COG3: variants seen among roughly 807,000 people sequenced by gnomAD.
COG3 encodes the protein conserved oligomeric Golgi complex subunit 3.
Under a neutral mutation model 114.1 loss-of-function variants are expected in COG3, and 32 were observed. The ratio of observed to expected loss-of-function variants is 0.28; its 90% CI spans 0.21 to 0.38. COG3 has a LOEUF of 0.38. Among genes scored for constraint, COG3 ranks in the 10% least tolerant of loss-of-function variants. The pLI is 1.00. For synonymous variants in COG3, 352 were observed against 365.7 expected, an observed-to-expected ratio of 0.96 and a Z score of 0.43; for missense variants, 813 against 973.2, an observed-to-expected ratio of 0.84 and a Z score of 2.19.
At chr13:45,485,101 C>T (rs1886508793) in intron 7 of COG3, among the ~76,000 whole-genome samples, 1 of 147,740 alleles carries the variant, frequency 6.8e-6, no homozygotes, top group South Asian at 2.3e-4. Flanking sequence ...GGCCCGTTCT[C>T]AATGAGCTAC....
intron 19 of COG3, among the ~76,000 whole-genome samples, chr13:45,522,753 T>A (rs531721624): frequency 6.6e-6 from 1 of 152,338 alleles, no homozygotes; most frequent in South Asian, 2.1e-4. Context: ...GAGTAGAGGC[T>A]CATATGAAAA....
Position 45,535,960 on chromosome 13 carries a change from T to C in COG3, c.*1229T>C. 1.3e-6 allele frequency: 1 copy of C among 785,182 alleles called. No individual in the cohort carries two copies. Among genetic ancestry groups the C allele is most frequent in the African/African-American group, 1.9e-5 (1 of 53,506 alleles). The allele number at this position is 785,182 out of a possible 1,614,324, so 48.6% of individuals were successfully genotyped here. On this transcript the variant is annotated 3_prime_UTR_variant, in exon 23 of 23. Coordinates refer to ENST00000349995, the MANE Select transcript of COG3 (RefSeq NM_031431.4). ...TCTGGAATGGGACCAGGGGACCTTTTGGTGCAGTGGGTGCCTGTAACTCAT... is the reference window on the plus strand; with the variant it reads ...TCTGGAATGGGACCAGGGGACCTTTCGGTGCAGTGGGTGCCTGTAACTCAT...
chr13:45,480,539 G>T (rs558248416), intron 4 of COG3, among the ~76,000 whole-genome samples: 7 of 151,826 alleles, frequency 4.6e-5, no homozygotes, highest in African/African-American at 1.7e-4. Flanking sequence ...TGGCTATGTT[G>T]GTTTGCTCTG....
chr13:45,476,436 A>G, intron 2 of COG3, 89 bp downstream of exon 2: 1 of 1,264,812 alleles, frequency 7.9e-7, no homozygotes, highest in Admixed American at 2.0e-5. Flanking sequence ...AGTTCTGAAC[A>G]TTTGTCACCA....
In COG3 at chr13:45,480,259, A is replaced by T; in HGVS notation, c.518A>T (p.His173Leu). 6.2e-7 allele frequency: 1 copy of T among 1,613,652 alleles called. No individual in the cohort carries two copies. Among genetic ancestry groups the T allele is most frequent in the Non-Finnish European group, 8.5e-7 (1 of 1,179,688 alleles). Reference sequence around the variant, plus strand: ...GTGTCCAATAAGACAGGAACCCTACATGAAGCCTGTGAACAGCTCCTAAAA... The same window carrying T: ...GTGTCCAATAAGACAGGAACCCTACTTGAAGCCTGTGAACAGCTCCTAAAA... ...LFVSNKTGTL[H>L]EACEQLLKEQ... The change falls in exon 4 of 23, where the codon CAT becomes CTT. Residue 173 changes from histidine to leucine, a missense_variant. Around this residue, in one of 2 missense-constraint regions of COG3, gnomAD observed 424 missense variants for 430.6 expected, o/e 0.98. Coordinates refer to ENST00000349995, the MANE Select transcript of COG3 (RefSeq NM_031431.4).
chr13:45,491,482 A>G lies in COG3; in HGVS notation c.1039A>G (p.Ile347Val). The G allele has an allele frequency of 6.2e-7, 1 of 1,613,732 alleles. No individual in the cohort carries two copies. The highest frequency in any genetic ancestry group is 1.7e-5 in the Admixed American group (1 of 59,958). The change falls in exon 10 of 23, where the codon ATT becomes GTT. Residue 347 changes from isoleucine (I) to valine (V), a missense_variant. Physicochemically the swap from Ile to Val is conservative, Grantham distance 29 (BLOSUM62 3). Transcript: ENST00000349995. ...GCGGGAGCTCCTTTTGGGCCCTAGTATTGCTTGCACTGTTGCAGAGTTAAC... is the reference window on the plus strand; with the variant it reads ...GCGGGAGCTCCTTTTGGGCCCTAGTGTTGCTTGCACTGTTGCAGAGTTAAC... Reference protein sequence around the residue: ...DQRELLLGPSIACTVAELTSQ... With the variant: ...DQRELLLGPSVACTVAELTSQ...
chr13:45,513,120 G>C (rs886487273), intron 16 of COG3, among the ~76,000 whole-genome samples: 1 of 149,980 alleles, frequency 6.7e-6, no homozygotes, highest in African/African-American at 2.4e-5. Flanking sequence ...TTCCCACTTG[G>C]AGTGTTCAGA....
rs1331207619 is a variant in COG3, at chr13:45,491,033, C to G, written c.968+75C>G. The stretch of plus-strand genomic sequence containing the variant: ...GTACTGTTTTTCCAAATCTGGATCT[C>G]TGATATTTTATGAGCAATTGCCTTC... On this transcript the variant is annotated intron_variant, in intron 9 of 22. Transcript: ENST00000349995. 4 of 996,288 alleles carry G rather than the reference C, an allele frequency of 4.0e-6. No individual in the cohort carries two copies. The East Asian group carries it at 1.0e-4, about 25-fold the overall frequency. The allele number at this position is 996,288 out of a possible 1,614,324, so 61.7% of individuals were successfully genotyped here. A position where few individuals can be genotyped will look rare whatever the true frequency, so the allele number is the denominator to read the frequency against.
intron 12 of COG3, among the ~76,000 whole-genome samples, chr13:45,494,228 G>A (rs189777418): frequency 8.8e-4 from 133 of 151,822 alleles, no homozygotes; most frequent in Non-Finnish European, 8.8e-4. Flanking sequence ...GGGAGGCTTA[G>A]GCAGGAGAAT....
rs149896418 is a variant in COG3 at position 45,489,882 on chromosome 13, A to G, written c.925-1033A>G. Among the ~76,000 whole-genome samples the G allele has an allele frequency of 2.8e-3, 419 of 152,034 alleles. 6 individuals carry two copies. The highest frequency in any genetic ancestry group is 9.4e-3 in the African/African-American group (390 of 41,494). ...GGTAAATAGGCAAGACTAAAGAAGA[A>G]AATTTTGAAAAATACAGTGTCATTG... On this transcript the variant is annotated intron_variant, in intron 8 of 22. Coordinates refer to ENST00000349995, the MANE Select transcript of COG3 (RefSeq NM_031431.4).
chr13:45,503,267 T>C lies in COG3; in HGVS notation c.1512T>C (p.Asp504=), dbSNP rs779782557. The change falls in exon 14 of 23, where the codon GAT becomes GAC. Residue 504 remains aspartate, a synonymous_variant. Coordinates refer to ENST00000349995, the MANE Select transcript of COG3 (RefSeq NM_031431.4). ...MMEQIAQSLK[D]EQKKVPSEAS... is the part of the protein sequence containing the mutation. The stretch of plus-strand genomic sequence containing the variant: ...AGCAGATTGCACAGAGTTTGAAAGA[T>C]GAACAGAAGAAGGTACCTTCAGAAG... 2.2e-5 allele frequency: 35 copies of C among 1,596,406 alleles called. No homozygotes were observed. The highest frequency in any genetic ancestry group is 2.7e-5 in the Non-Finnish European group (32 of 1,164,314).
chr13:45,476,275 T>A lies in COG3; in HGVS notation c.249T>A (p.Ser83=). ...PIELTSVVPE[S]TEDILLKGFT... The stretch of plus-strand genomic sequence containing the variant: ...AACTGACTTCAGTAGTGCCTGAATC[T>A]ACAGAAGACATTCTCTTGAAGGGCT... The change falls in exon 2 of 23, where the codon TCT becomes TCA. Residue 83 remains serine (S), a synonymous_variant. Transcript: ENST00000349995. 3 of 1,614,012 alleles carry A rather than the reference T, an allele frequency of 1.9e-6. No homozygotes were observed. The highest frequency in any genetic ancestry group is 2.5e-6 in the Non-Finnish European group (3 of 1,179,902).
chr13:45,492,212 T>C lies in COG3; in HGVS notation c.1149T>C (p.Leu383=). Residue 383 remains leucine, a synonymous_variant, in exon 11 of 23, where the codon CTT becomes CTC. Coordinates refer to ENST00000349995, the MANE Select transcript of COG3 (RefSeq NM_031431.4). ...ATGTCTGCCAGGATGAACACCAACT[T>C]TACAATGAATTTTTCACAAAACCAA... ...MVHVCQDEHQ[L]YNEFFTKPTS... The C allele has an allele frequency of 6.2e-7, 1 of 1,609,334 alleles. No individual in the cohort carries two copies. Among genetic ancestry groups the C allele is most frequent in the Non-Finnish European group, 8.5e-7 (1 of 1,177,974 alleles).
At chr13:45,507,882 A>G (rs1156491951) in intron 14 of COG3, among the ~76,000 whole-genome samples, 1 of 151,434 alleles carries the variant, frequency 6.6e-6, no homozygotes, top group Non-Finnish European at 1.5e-5. Context: ...ATCCTGACCA[A>G]CATGGTGAAA....
intron 2 of COG3, among the ~76,000 whole-genome samples, chr13:45,477,240 GA>G: frequency 6.6e-6 from 1 of 152,210 alleles, no homozygotes; most frequent in Non-Finnish European, 1.5e-5. Flanking sequence ...CCTTGACATT[GA>G]ATCTTACTTG....
At chr13:45,479,106 TA>T (rs1179016192) in intron 3 of COG3, 40 bp downstream of exon 3, 1 of 1,379,402 alleles carries the variant, frequency 7.2e-7, no homozygotes, top group Non-Finnish European at 1.0e-6. Flanking sequence ...TCTTAATTTT[TA>T]GATCACAGTC....
In COG3 at chr13:45,516,175, G is replaced by C. The variant is rs1485251609; in HGVS notation, c.1842G>C (p.Lys614Asn). Reference sequence around the variant, plus strand: ...TTGATGGACAACTTTTCTTAATTAAGCACCTTTTGATACTTCGTGAACAAA... The same window carrying C: ...TTGATGGACAACTTTTCTTAATTAACCACCTTTTGATACTTCGTGAACAAA... ...TQIDGQLFLI[K>N]HLLILREQIA... Residue 614 changes from lysine to asparagine, a missense_variant, in exon 17 of 23, where the codon AAG (lysine) becomes AAC (asparagine). By Grantham distance (94) the Lys-to-Asn change is moderately conservative. Around this residue, in one of 2 missense-constraint regions of COG3, gnomAD observed 389 missense variants for 542.6 expected, o/e 0.72. Transcript: ENST00000349995. The C allele has an allele frequency of 6.3e-7, 1 of 1,592,060 alleles. No homozygotes were observed. The highest frequency in any genetic ancestry group is 8.6e-7 in the Non-Finnish European group (1 of 1,164,262).
At chr13:45,514,869 C>CTG (rs1871373595) in intron 16 of COG3, among the ~76,000 whole-genome samples, 1 of 151,826 alleles carries the variant, frequency 6.6e-6, no homozygotes, top group South Asian at 2.1e-4. Context: ...GATGGTTTCT[C>CTG]TGTCTCCTTA....
At chr13:45,508,065 ACCT>A (rs1870377737) in intron 14 of COG3, among the ~76,000 whole-genome samples, 1 of 100,072 alleles carries the variant, frequency 1.0e-5, no homozygotes, top group African/African-American at 4.0e-5. Context: ...CCTAGGTCCA[ACCT>A]AAAAAAAAAA....
Sources: allele counts gnomAD v4.1 joint callset (sites outside exome capture counted in the v4.1 genomes callset), GRCh38; gene constraint gnomAD v4.1.1; regional missense constraint gnomAD v4.1.1; transcripts MANE v1.5; gene names NCBI Gene and HGNC (gene_info 2026-07-23, HGNC 2026-07-21).